Variants in IRF2 observed in about 807,000 individuals in gnomAD.
IRF2 encodes interferon regulatory factor 2.
Under a neutral mutation model 40.6 loss-of-function variants are expected in IRF2, and 15 were observed. The observed-to-expected ratio is 0.37, with a 90% CI of 0.25 to 0.57. The LOEUF (loss-of-function observed/expected upper bound fraction) is 0.57. IRF2 is among the 20% of genes least tolerant of loss of function. IRF2 has a pLI of 0.77. For synonymous variants in IRF2, 151 were observed against 165.5 expected (o/e 0.91, Z 0.67); for missense variants, 317 against 455.7 (o/e 0.70, Z 2.77).
At chr4:184,468,329 A>T (rs185960405) in intron 1 of IRF2, among the ~76,000 whole-genome samples, 2 of 152,114 alleles carry the variant, frequency 1.3e-5, no homozygotes, top group Non-Finnish European at 2.9e-5. Context: ...TCTACTAAAA[A>T]TACAAAAATT....
chr4:184,408,176 T>C lies in IRF2; in HGVS notation c.511A>G (p.Ser171Gly), dbSNP rs934396065. 3 of 1,601,848 alleles carry C rather than the reference T, an allele frequency of 1.9e-6. No individual in the cohort carries two copies. The highest frequency in any genetic ancestry group is 3.3e-5 in the Admixed American group (2 of 59,998). The change falls in exon 6 of 9, where the codon AGT becomes GGT. Residue 171 changes from serine (S) to glycine (G), a missense_variant. By Grantham distance (56) the Ser-to-Gly change is moderately conservative. Transcript: ENST00000393593. This position sits in a 1 kb window ranked among gnomAD's most constrained non-coding sequence, Gnocchi z 4.9. ...AGTTTACCTATGATGTTCACCGTAC[T>C]ATCCACTTCATTTTTTATAGTTGAA... The part of the protein sequence containing the change: ...LTSTIKNEVD[S>G]TVNIIVVGQS...
At chr4:184,395,150 G>A (rs919728314) in intron 7 of IRF2, among the ~76,000 whole-genome samples, 20 of 152,092 alleles carry the variant, frequency 1.3e-4, no homozygotes, top group Non-Finnish European at 2.6e-4. Context: ...GGTGGCTCAC[G>A]CCTGGAATCC....
At chr4:184,418,288 C>A (rs549321338) in intron 4 of IRF2, 75 bp from the exon 5 acceptor site, 2 of 1,185,606 alleles carry the variant, frequency 1.7e-6, no homozygotes, top group African/African-American at 1.5e-5. Flanking sequence ...AAATTAAATT[C>A]TTTCTGAAAC....
intron 2 of IRF2, among the ~76,000 whole-genome samples, chr4:184,424,137 A>G (rs1737584566): frequency 6.6e-6 from 1 of 152,192 alleles, no homozygotes; most frequent in African/African-American, 2.4e-5. Flanking sequence ...AAAATTTGCT[A>G]TCCTATTTCT....
rs905160758 is a variant in IRF2, at chr4:184,413,786, G to C, written c.411+4381C>G. Among the ~76,000 whole-genome samples the C allele has an allele frequency of 6.6e-6, 1 of 152,146 alleles. No individual in the cohort carries two copies. Among genetic ancestry groups the C allele is most frequent in the Non-Finnish European group, 1.5e-5 (1 of 68,012 alleles). On this transcript the variant is annotated intron_variant, in intron 5 of 8. Transcript: ENST00000393593. This position sits in a 1 kb window ranked among gnomAD's most constrained non-coding sequence, Gnocchi z 4.2. ...ATGTTTCAGCTGCAAACAACCCTCC[G>C]AAGCAGGAAGTACCCATTTCTATTC... is the stretch of plus-strand genomic sequence containing the variant.
At chr4:184,392,874 T>A (rs999373017) in intron 7 of IRF2, among the ~76,000 whole-genome samples, 2 of 151,546 alleles carry the variant, frequency 1.3e-5, no homozygotes, top group African/African-American at 4.9e-5. Flanking sequence ...AGAAGACAGA[T>A]CTCTCCACTC....
At chr4:184,456,656 G>C (rs1446503201) in intron 1 of IRF2, among the ~76,000 whole-genome samples, 1 of 152,252 alleles carries the variant, frequency 6.6e-6, no homozygotes, top group Non-Finnish European at 1.5e-5. Context: ...CCGGGAAACC[G>C]GGTGCCTGAG....
chr4:184,427,942 G>C lies in IRF2; in HGVS notation c.87+1036C>G, dbSNP rs560511289. Among the ~76,000 whole-genome samples the C allele has an allele frequency of 1.1e-4, 16 of 152,280 alleles. No homozygotes were observed. The East Asian group carries it at 1.2e-3, about 11-fold the overall frequency. ...AGGAAAAAGGCATTGACTCAGAACT[G>C]TTCTGGTAGGAGAGGAACTTCTCTC... On this transcript the variant is annotated intron_variant, in intron 2 of 8. Coordinates refer to ENST00000393593, the MANE Select transcript of IRF2 (RefSeq NM_002199.4).
chr4:184,407,937 C>G (rs1381165510), intron 6 of IRF2, among the ~76,000 whole-genome samples: 3 of 151,852 alleles, frequency 2.0e-5, no homozygotes, highest in African/African-American at 7.3e-5. Context: ...GGAGGTCACC[C>G]CAGCCTTCTT....
chr4:184,440,523 T>C (rs1738266020), intron 1 of IRF2, among the ~76,000 whole-genome samples: 1 of 152,258 alleles, frequency 6.6e-6, no homozygotes, highest in Admixed American at 6.5e-5. Context: ...CGGGCCTTCA[T>C]GCCTCCGTCT....
intron 1 of IRF2, among the ~76,000 whole-genome samples, chr4:184,468,244 T>C (rs769310270): frequency 6.6e-5 from 10 of 152,140 alleles, no homozygotes; most frequent in African/African-American, 4.8e-5. Flanking sequence ...TCCGAATACT[T>C]TGGGAGGCTG....
At chr4:184,436,944 G>A (rs1197114558) in intron 1 of IRF2, among the ~76,000 whole-genome samples, 1 of 152,048 alleles carries the variant, frequency 6.6e-6, no homozygotes, top group Non-Finnish European at 1.5e-5. Context: ...AGAGTGCAGT[G>A]GTGCAATCCT....
chr4:184,417,922 G>A (rs753222041), intron 5 of IRF2, among the ~76,000 whole-genome samples: 166 of 152,222 alleles, frequency 1.1e-3, no homozygotes, highest in Admixed American at 2.2e-3. Context: ...TCAGCCTGCC[G>A]AGCACAGTGA....
chr4:184,455,817 C>T (rs184151019), intron 1 of IRF2, among the ~76,000 whole-genome samples: 4 of 152,188 alleles, frequency 2.6e-5, no homozygotes, highest in African/African-American at 9.7e-5. Flanking sequence ...GATGTTAATA[C>T]ACTTTTGAAT....
At chr4:184,441,117 C>T (rs1448558936) in intron 1 of IRF2, among the ~76,000 whole-genome samples, 3 of 152,222 alleles carry the variant, frequency 2.0e-5, no homozygotes, top group Admixed American at 1.3e-4. Flanking sequence ...TGAGTTAGCA[C>T]GCATCTTACA....
intron 1 of IRF2, among the ~76,000 whole-genome samples, chr4:184,473,131 C>T (rs897406008): frequency 6.6e-6 from 1 of 151,966 alleles, no homozygotes; most frequent in African/African-American, 2.4e-5. Flanking sequence ...ACCGGCGAGG[C>T]GGAAAGGAAG....
rs1231107582 is a variant in IRF2, at chr4:184,419,410, T to TAA, written c.187+57_187+58dup. The TAA allele has an allele frequency of 2.5e-6, 3 of 1,185,588 alleles. No homozygotes were observed. In the East Asian group the frequency reaches 7.0e-5, roughly 28 times the overall value. 73.4% of individuals were successfully genotyped at this position (1,185,588 alleles called of 1,614,324 possible). A position where few individuals can be genotyped will look rare whatever the true frequency, so the allele number is the denominator to read the frequency against. On this transcript the variant is annotated intron_variant, in intron 3 of 8. Transcript: ENST00000393593. ...ATAAGCCAGGCTATTTTATGTGTAA[T>TAA]AAAAACAAAACTAAGCAAGAGTGCC...
intron 7 of IRF2, among the ~76,000 whole-genome samples, chr4:184,394,383 C>T (rs1323904223): frequency 6.6e-6 from 1 of 152,200 alleles, no homozygotes; most frequent in African/African-American, 2.4e-5. Context: ...TGCATTTTCA[C>T]CTGAAAGGCT....
chr4:184,418,740 G>T, intron 3 of IRF2, 32 bp from the exon 4 acceptor site: 1 of 1,578,602 alleles, frequency 6.3e-7, no homozygotes, highest in South Asian at 1.1e-5. Context: ...AAGAAAAAGA[G>T]AGAAAACATT....
Sources: allele counts gnomAD v4.1 joint callset (sites outside exome capture counted in the v4.1 genomes callset), GRCh38; gene constraint gnomAD v4.1.1; non-coding constraint Gnocchi (gnomAD v3.1); transcripts MANE v1.5; gene names NCBI Gene and HGNC (gene_info 2026-07-23, HGNC 2026-07-21).